EPHA3: variants seen among roughly 807,000 people sequenced by gnomAD.
EPHA3 encodes EPH receptor A3, also known as ephrin type-A receptor 3.
A neutral mutation model predicts 107.1 loss-of-function variants in EPHA3; 42 were observed. The observed-to-expected ratio is 0.39, with a 90% CI of 0.31 to 0.51. The LOEUF is 0.51. Among genes scored for constraint, EPHA3 ranks in the 20% least tolerant of loss-of-function variants. The pLI is 0.78. For synonymous variants in EPHA3, 461 were observed against 424.8 expected, an observed-to-expected ratio of 1.09 and a Z score of -1.05; for missense variants, 1,183 against 1,211.2, an observed-to-expected ratio of 0.98 and a Z score of 0.35.
chr3:89,449,163 G>A, intron 13 of EPHA3, 62 bp from the exon 14 acceptor site: 1 of 1,403,756 alleles, frequency 7.1e-7, no homozygotes, highest in Non-Finnish European at 9.5e-7. Context: ...TTCAGATTAT[G>A]TTATGTATAT....
At chr3:89,306,763 C>T (rs745745685) in intron 3 of EPHA3, among the ~76,000 whole-genome samples, 8 of 152,248 alleles carry the variant, frequency 5.3e-5, no homozygotes, top group South Asian at 4.1e-4. Context: ...TGGTCAGAAC[C>T]GTGCTGTGGT....
chr3:89,341,084 G>T lies in EPHA3; in HGVS notation c.970+13G>T, dbSNP rs1212935536. ...ATGGCTTGTACCCGTGAGTAGTTTT[G>T]CTGCAACCCATGCCTCCATGTTTGT... On this transcript the variant is annotated intron_variant, in intron 4 of 16. Coordinates refer to ENST00000336596, the MANE Select transcript of EPHA3 (RefSeq NM_005233.6). The T allele has an allele frequency of 1.2e-6, 2 of 1,609,746 alleles. No individual in the cohort carries two copies. The highest frequency in any genetic ancestry group is 1.7e-6 in the Non-Finnish European group (2 of 1,178,532).
At chr3:89,283,353 G>A (rs1410513806) in intron 3 of EPHA3, among the ~76,000 whole-genome samples, 1 of 152,030 alleles carries the variant, frequency 6.6e-6, no homozygotes, top group Admixed American at 6.6e-5. Context: ...TCTGGTGGGG[G>A]CTGGTGAGGG....
intron 2 of EPHA3, among the ~76,000 whole-genome samples, chr3:89,130,637 T>C (rs1704186008): frequency 6.6e-6 from 1 of 150,846 alleles, no homozygotes. Flanking sequence ...CTTTTTTTTT[T>C]TTTTTTTCTT....
chr3:89,139,910 G>T (rs983712272), intron 2 of EPHA3, among the ~76,000 whole-genome samples: 1 of 151,830 alleles, frequency 6.6e-6, no homozygotes, highest in Non-Finnish European at 1.5e-5. Flanking sequence ...TCAACCGAGT[G>T]TCATGCATTG....
intron 13 of EPHA3, among the ~76,000 whole-genome samples, chr3:89,442,532 C>A (rs1398659025): frequency 6.6e-6 from 1 of 152,108 alleles, no homozygotes; most frequent in African/African-American, 2.4e-5. Flanking sequence ...ATCTAGATGA[C>A]AGCGGCAGAA....
At chr3:89,195,034 A>AT (rs939174965) in intron 2 of EPHA3, among the ~76,000 whole-genome samples, 16 of 151,772 alleles carry the variant, frequency 1.1e-4, no homozygotes, top group Non-Finnish European at 1.2e-4. Context: ...TTTTTCTTGT[A>AT]TTTTTTTCTT....
intron 7 of EPHA3, 156 bp downstream of exon 7, chr3:89,399,636 T>C: frequency 2.2e-6 from 3 of 1,349,742 alleles, no homozygotes; most frequent in Non-Finnish European, 2.9e-6. Flanking sequence ...TGTGTCTGTA[T>C]ACAGTATTTG....
intron 2 of EPHA3, among the ~76,000 whole-genome samples, chr3:89,185,853 G>T (rs1272972808): frequency 6.6e-6 from 1 of 152,070 alleles, no homozygotes; most frequent in Non-Finnish European, 1.5e-5. Context: ...GGGATAAATG[G>T]TTCAGTAGTG....
chr3:89,219,452 C>G (rs552160199), intron 3 of EPHA3, among the ~76,000 whole-genome samples: 1 of 151,894 alleles, frequency 6.6e-6, no homozygotes, highest in East Asian at 1.9e-4. Flanking sequence ...CATGAGCCTC[C>G]GTGCCCTGCC....
intron 5 of EPHA3, among the ~76,000 whole-genome samples, chr3:89,383,352 T>C (rs2107487887): frequency 6.6e-6 from 1 of 152,342 alleles, no homozygotes; most frequent in African/African-American, 2.4e-5. Context: ...TTCCTACCAT[T>C]ATCTGTTAGA....
At chr3:89,114,157 G>A (rs1327909355) in intron 1 of EPHA3, among the ~76,000 whole-genome samples, 1 of 152,192 alleles carries the variant, frequency 6.6e-6, no homozygotes, top group African/African-American at 2.4e-5. Flanking sequence ...ATGGACAGGA[G>A]TAGCCACAGG....
At chr3:89,228,230 G>A (rs192064081) in intron 3 of EPHA3, among the ~76,000 whole-genome samples, 29 of 152,064 alleles carry the variant, frequency 1.9e-4, no homozygotes, top group African/African-American at 6.7e-4. Context: ...GTCACGGACA[G>A]AGTGTGTATA....
intron 3 of EPHA3, among the ~76,000 whole-genome samples, chr3:89,228,599 A>T (rs1034772706): frequency 2.0e-5 from 3 of 151,988 alleles, no homozygotes; most frequent in Non-Finnish European, 4.4e-5. Context: ...TTTAGGAATT[A>T]TTAATTTTAT....
intron 1 of EPHA3, among the ~76,000 whole-genome samples, chr3:89,120,015 T>C (rs1182545614): frequency 1.3e-5 from 2 of 152,208 alleles, no homozygotes; most frequent in African/African-American, 4.8e-5. Context: ...TAGCCTGTGC[T>C]ATCTGGATGT....
chr3:89,440,111 G>A (rs1709755119), intron 13 of EPHA3, among the ~76,000 whole-genome samples: 1 of 151,916 alleles, frequency 6.6e-6, no homozygotes. Flanking sequence ...GAACTGCTGG[G>A]GATAAGACTA....
intron 3 of EPHA3, among the ~76,000 whole-genome samples, chr3:89,265,910 A>G (rs1705528925): frequency 6.6e-6 from 1 of 152,182 alleles, no homozygotes; most frequent in South Asian, 2.1e-4. Context: ...TAAGATATAC[A>G]CAAGGTAATT....
At chr3:89,315,363 T>A (rs563830176) in intron 3 of EPHA3, among the ~76,000 whole-genome samples, 1 of 151,798 alleles carries the variant, frequency 6.6e-6, no homozygotes, top group African/African-American at 2.4e-5. Context: ...AACTATAGTA[T>A]GTGATGAGAC....
intron 2 of EPHA3, among the ~76,000 whole-genome samples, chr3:89,154,661 T>G (rs1704760142): frequency 6.6e-6 from 1 of 151,620 alleles, no homozygotes. Flanking sequence ...AACAACTCAC[T>G]CTATCATTTT....
Sources: allele counts gnomAD v4.1 joint callset (sites outside exome capture counted in the v4.1 genomes callset), GRCh38; gene constraint gnomAD v4.1.1; transcripts MANE v1.5; gene names NCBI Gene and HGNC (gene_info 2026-07-23, HGNC 2026-07-21).